GAN: variants seen among roughly 807,000 people sequenced by gnomAD.
GAN encodes the protein gigaxonin, also known as epididymis secretory sperm binding protein.
In GAN, 48 loss-of-function variants were observed where a neutral mutation model predicts 71.3. The ratio of observed to expected loss-of-function variants is 0.67; its 90% confidence interval spans 0.53 to 0.86. The LOEUF is 0.86. Among genes scored for constraint, GAN ranks in the 40% least tolerant of loss-of-function variants. GAN has a pLI of 0.00. For missense variants in GAN, 928 were observed against 770.1 expected (o/e 1.21, Z -2.43); for synonymous variants, 386 against 276.8 (o/e 1.39, Z -3.92).
chr16:81,342,765 A>C (rs767979889), intron 1 of GAN, among the ~76,000 whole-genome samples: 11 of 152,222 alleles, frequency 7.2e-5, no homozygotes, highest in Admixed American at 2.6e-4. Flanking sequence ...AGCAGAAGAC[A>C]AGAAATAACT....
At chr16:81,364,036 T>A in intron 7 of GAN, 93 bp downstream of exon 7, 1 of 984,794 alleles carries the variant, frequency 1.0e-6, no homozygotes, top group Non-Finnish European at 1.6e-6. Context: ...TTAATATAAC[T>A]GATGGTGTTA....
In GAN at chr16:81,354,692, C is replaced by A. The variant is rs993338852; in HGVS notation, c.570C>A (p.Gly190=). The A allele has an allele frequency of 1.2e-6, 2 of 1,613,018 alleles. No homozygotes were observed. The highest frequency in any genetic ancestry group is 1.7e-6 in the Non-Finnish European group (2 of 1,179,006). ...TTTCTCTTGAGAAGTTAAACGTTGG[C>A]AATGAAAGATATGTCTTTGAAGCAG... The part of the protein sequence containing the change: ...EVISLEKLNV[G]NERYVFEAVI... Residue 190 remains glycine (G), a synonymous_variant, in exon 3 of 11, where the codon GGC becomes GGA. Transcript: ENST00000648994.
intron 3 of GAN, among the ~76,000 whole-genome samples, chr16:81,355,786 G>C (rs1337407669): frequency 6.6e-6 from 1 of 152,128 alleles, no homozygotes; most frequent in African/African-American, 2.4e-5. Context: ...ACTGTTAATT[G>C]TTCTTGTAAG....
At chr16:81,341,562 C>A (rs1909943374) in intron 1 of GAN, among the ~76,000 whole-genome samples, 1 of 152,160 alleles carries the variant, frequency 6.6e-6, no homozygotes, top group Non-Finnish European at 1.5e-5. Flanking sequence ...AAATAAAATC[C>A]TTTACAGACA....
At position 81,326,557 on chromosome 16, in the gene GAN, T is replaced by A. The variant is rs113066214; in HGVS notation, c.167+11277T>A. 8.1e-4 allele frequency among the ~76,000 whole-genome samples: 123 copies of A among 152,298 alleles called. 2 individuals carry two copies. Among genetic ancestry groups the A allele is most frequent in the African/African-American group, 2.8e-3 (116 of 41,562 alleles). On this transcript the variant is annotated intron_variant, in intron 1 of 10. Coordinates refer to ENST00000648994, the MANE Select transcript of GAN (RefSeq NM_022041.4). ...TCAAAAAAAAAGGATAATTGAGTTG[T>A]CTGTGATATGTATGTACAGTCAGCA... is the stretch of plus-strand genomic sequence containing the variant.
At chr16:81,365,222 T>G in intron 8 of GAN, 112 bp downstream of exon 8, 1 of 1,564,680 alleles carries the variant, frequency 6.4e-7, no homozygotes, top group African/African-American at 1.4e-5. Flanking sequence ...TTTCTTTGAC[T>G]TGGCATTTCC....
intron 1 of GAN, among the ~76,000 whole-genome samples, chr16:81,318,031 C>G (rs1464278585): frequency 6.6e-6 from 1 of 152,156 alleles, no homozygotes; most frequent in Non-Finnish European, 1.5e-5. Flanking sequence ...TTTGACGAAT[C>G]TGTATCACTA....
chr16:81,365,588 A>C, intron 9 of GAN, 110 bp downstream of exon 9: 1 of 1,092,668 alleles, frequency 9.2e-7, no homozygotes, highest in Non-Finnish European at 1.4e-6. Context: ...TTATGGATTT[A>C]GGAGATAACG....
chr16:81,334,196 A>AT (rs1236369283), intron 1 of GAN, among the ~76,000 whole-genome samples: 5 of 152,346 alleles, frequency 3.3e-5, no homozygotes, highest in Non-Finnish European at 1.5e-5. Flanking sequence ...TTCAAAGTGG[A>AT]TGATGTGATA....
intron 1 of GAN, among the ~76,000 whole-genome samples, chr16:81,321,340 A>C (rs138666611): frequency 6.6e-6 from 1 of 152,210 alleles, no homozygotes; most frequent in East Asian, 1.9e-4. Flanking sequence ...GCTCTGGTTA[A>C]TTTTCTCTAG....
At chr16:81,338,628 A>G (rs1909843395) in intron 1 of GAN, among the ~76,000 whole-genome samples, 1 of 152,232 alleles carries the variant, frequency 6.6e-6, no homozygotes, top group African/African-American at 2.4e-5. Flanking sequence ...ATAAAACTAA[A>G]GGTATATAGA....
chr16:81,357,465 C>T (rs1429953073), intron 4 of GAN, among the ~76,000 whole-genome samples: 2 of 152,118 alleles, frequency 1.3e-5, no homozygotes, highest in African/African-American at 4.8e-5. Context: ...CATAGTATTC[C>T]ATGGTGTATA....
intron 3 of GAN, among the ~76,000 whole-genome samples, chr16:81,355,559 C>G (rs377657625): frequency 2.6e-5 from 4 of 152,172 alleles, no homozygotes; most frequent in Non-Finnish European, 5.9e-5. Context: ...GACAGGGTCT[C>G]GCTGTGCTGC....
At chr16:81,363,192 G>C (rs1038103618) in intron 6 of GAN, among the ~76,000 whole-genome samples, 1 of 152,188 alleles carries the variant, frequency 6.6e-6, no homozygotes, top group Non-Finnish European at 1.5e-5. Flanking sequence ...GTTTATACTA[G>C]CCTTTCCCAC....
chr16:81,328,739 T>C (rs1275532659), intron 1 of GAN, among the ~76,000 whole-genome samples: 1 of 152,126 alleles, frequency 6.6e-6, no homozygotes, highest in Non-Finnish European at 1.5e-5. Context: ...AAATCGTTAC[T>C]TCACTTATCT....
At chr16:81,348,485 C>A (rs141086639) in intron 1 of GAN, among the ~76,000 whole-genome samples, 31 of 152,230 alleles carry the variant, frequency 2.0e-4, no homozygotes, top group African/African-American at 7.5e-4. Context: ...AAGAGCAGTG[C>A]TCTAAAACAG....
rs1488932475 is a variant in GAN at position 81,354,447 on chromosome 16, G to C, written c.325G>C (p.Ala109Pro). The C allele has an allele frequency of 3.7e-6, 6 of 1,613,828 alleles. No homozygotes were observed. Among genetic ancestry groups the C allele is most frequent in the Non-Finnish European group, 5.1e-6 (6 of 1,179,674 alleles). ...TACAATCCAAGATGTTGTTCAGGCA[G>C]CTGACCTGCTGCTACTGACGGACCT... ...EDTIQDVVQA[A>P]DLLLLTDLKT... The change falls in exon 3 of 11, where the codon GCT (alanine) becomes CCT (proline). Residue 109 changes from alanine to proline, a missense_variant. Transcript: ENST00000648994.
rs1170109788 is a variant in GAN, at chr16:81,377,713, T to C, written c.*117T>C. 4 of 949,754 alleles carry C rather than the reference T, an allele frequency of 4.2e-6. No individual in the cohort carries two copies. Among genetic ancestry groups the C allele is most frequent in the African/African-American group, 3.2e-5 (2 of 62,080 alleles). 58.8% of individuals were successfully genotyped at this position (949,754 alleles called of 1,614,324 possible). On this transcript the variant is annotated 3_prime_UTR_variant, in exon 11 of 11. Transcript: ENST00000648994. The stretch of plus-strand genomic sequence containing the variant: ...CTGTGCTGGGCTTTGGTATGGTAAC[T>C]CTTTGGTGGTTTTATGATGCTTACA...
chr16:81,366,223 G>A (rs1339327608), intron 9 of GAN, among the ~76,000 whole-genome samples: 1 of 152,094 alleles, frequency 6.6e-6, no homozygotes, highest in African/African-American at 2.4e-5. Context: ...GCAACTTCAG[G>A]GCAAGGTCCA....
Sources: allele counts gnomAD v4.1 joint callset (sites outside exome capture counted in the v4.1 genomes callset), GRCh38; gene constraint gnomAD v4.1.1; transcripts MANE v1.5; gene names NCBI Gene and HGNC (gene_info 2026-07-23, HGNC 2026-07-21).